The following ROBO2 variants were observed in gnomAD, a reference collection of about 807,000 sequenced individuals.
ROBO2 encodes the protein roundabout guidance receptor 2.
In ROBO2, 53 loss-of-function variants were observed where a neutral mutation model predicts 160.8. The observed-to-expected ratio is 0.33, with a 90% CI of 0.26 to 0.41. The LOEUF is 0.41. ROBO2 is among the 10% of genes least tolerant of loss of function. ROBO2 has a pLI of 1.00. For synonymous variants in ROBO2, 664 were observed against 611.7 expected (o/e 1.09, Z -1.26); for missense variants, 1,577 against 1,722.4 (o/e 0.92, Z 1.49).
intron 2 of ROBO2, among the ~76,000 whole-genome samples, chr3:75,974,827 T>G (rs2065092301): frequency 6.6e-6 from 1 of 151,554 alleles, no homozygotes; most frequent in Non-Finnish European, 1.5e-5. Flanking sequence ...TTTTTAGACT[T>G]AAGTCACATT....
chr3:76,709,737 T>A (rs2093250044), intron 2 of ROBO2, among the ~76,000 whole-genome samples: 1 of 152,194 alleles, frequency 6.6e-6, no homozygotes, highest in Admixed American at 6.5e-5. Context: ...GGGTAATTAG[T>A]TTTCAGATTA....
chr3:77,079,965 G>C (rs1294294486), intron 1 of ROBO2, among the ~76,000 whole-genome samples: 1 of 152,186 alleles, frequency 6.6e-6, no homozygotes. Flanking sequence ...AGAGGACAGA[G>C]GGTAGCTTTT....
chr3:77,262,227 A>G (rs2058823069), intron 2 of ROBO2, among the ~76,000 whole-genome samples: 1 of 152,178 alleles, frequency 6.6e-6, no homozygotes, highest in African/African-American at 2.4e-5. Flanking sequence ...GCCATAGGTT[A>G]TATGTGGTGG....
chr3:77,097,632 T>A (rs180948676), intron 1 of ROBO2, among the ~76,000 whole-genome samples: 38 of 152,276 alleles, frequency 2.5e-4, no homozygotes, highest in Middle Eastern at 3.4e-3. Flanking sequence ...TCTATGTGTG[T>A]CTTCTAGCTG....
intron 2 of ROBO2, among the ~76,000 whole-genome samples, chr3:77,137,355 T>C (rs1480029336): frequency 1.3e-5 from 2 of 152,138 alleles, no homozygotes; most frequent in African/African-American, 2.4e-5. Flanking sequence ...GCCTCCTGAA[T>C]AGCTGGGATT....
intron 2 of ROBO2, among the ~76,000 whole-genome samples, chr3:77,012,667 A>T (rs1163265862): frequency 6.6e-6 from 1 of 152,212 alleles, no homozygotes; most frequent in Non-Finnish European, 1.5e-5. Flanking sequence ...AAATCTTGTA[A>T]ATCAGTGATT....
chr3:77,039,767 A>T (rs1309872610), upstream of ROBO2: 2 of 149,042 alleles, frequency 1.3e-5, no homozygotes, highest in Non-Finnish European at 3.0e-5. Flanking sequence ...GACTCCAGGC[A>T]GCTCTCATTC....
chr3:76,921,391 C>T (rs970441811), intron 2 of ROBO2, among the ~76,000 whole-genome samples: 16 of 152,078 alleles, frequency 1.1e-4, no homozygotes, highest in East Asian at 3.9e-4. Context: ...GCAGACGGAT[C>T]GCTTGAGGTC....
chr3:76,619,952 A>T (rs9829847), intron 2 of ROBO2, among the ~76,000 whole-genome samples: 2,104 of 152,208 alleles, frequency 0.014, 50 homozygotes, highest in African/African-American at 0.049. Context: ...ATAATAATAA[A>T]AAATAATTAT....
chr3:75,930,843 G>T (rs959474983), intron 1 of ROBO2, among the ~76,000 whole-genome samples: 15 of 152,082 alleles, frequency 9.9e-5, no homozygotes, highest in African/African-American at 3.1e-4. Flanking sequence ...GATTTCCAGT[G>T]TCCCCAGCCT....
At chr3:76,491,841 T>C (rs905928980) in intron 2 of ROBO2, among the ~76,000 whole-genome samples, 1 of 152,182 alleles carries the variant, frequency 6.6e-6, no homozygotes, top group African/African-American at 2.4e-5. Context: ...ACGCCTGTAA[T>C]CCCAGCACTT....
intron 5 of ROBO2, among the ~76,000 whole-genome samples, chr3:77,520,987 T>C (rs2090534755): frequency 6.6e-6 from 1 of 151,324 alleles, no homozygotes; most frequent in South Asian, 2.1e-4. Flanking sequence ...CCATTCACAG[T>C]TGGCCTTTAT....
chr3:75,986,810 TA>T (rs2065428101), intron 2 of ROBO2, among the ~76,000 whole-genome samples: 1 of 151,848 alleles, frequency 6.6e-6, no homozygotes, highest in East Asian at 1.9e-4. Context: ...TTTTTATTTT[TA>T]TTTTTTTTTA....
rs2086833009 is a variant in ROBO2 at position 76,597,721 on chromosome 3, T to C, written c.110-500293T>C. Among the ~76,000 whole-genome samples the C allele has an allele frequency of 2.0e-5, 3 of 151,050 alleles. No homozygotes were observed. In the South Asian group the frequency reaches 6.4e-4, roughly 32 times the overall value. The stretch of plus-strand genomic sequence containing the variant: ...CCCTCCCCGCTTAAGCAGGCCCCAG[T>C]GTCTGTTGTTCCCCTCCTTGTGTTC... On this transcript the variant is annotated intron_variant, in intron 2 of 26. Coordinates refer to the ROBO2 transcript ENST00000487694.
At chr3:75,969,188 A>G (rs1416171901) in intron 2 of ROBO2, among the ~76,000 whole-genome samples, 2 of 148,986 alleles carry the variant, frequency 1.3e-5, no homozygotes, top group Non-Finnish European at 3.0e-5. Context: ...AATATGATAT[A>G]TAATATATTA....
At chr3:76,352,011 AAGTT>A (rs374638501) in intron 2 of ROBO2, among the ~76,000 whole-genome samples, 16 of 152,174 alleles carry the variant, frequency 1.1e-4, no homozygotes, top group South Asian at 2.1e-4. Flanking sequence ...AATCAGATAT[AAGTT>A]AGTTCTAACA....
Position 76,697,229 on chromosome 3 carries a change from G to T in ROBO2, c.110-400785G>T, listed in dbSNP as rs1421693804. Among the ~76,000 whole-genome samples, 67 of 152,128 alleles carry T rather than the reference G, an allele frequency of 4.4e-4. 1 individual carries two copies. The highest frequency in any genetic ancestry group is 1.5e-4 in the Non-Finnish European group (10 of 68,028). On this transcript the variant is annotated intron_variant, in intron 2 of 26. Coordinates refer to the ROBO2 transcript ENST00000487694. ...TTAACATTTACTTTCATCGAAATAT[G>T]TGGGCTCCTAAATACTGTTTTTTCT...
chr3:76,603,351 A>T (rs6548435), intron 2 of ROBO2, among the ~76,000 whole-genome samples: 5,427 of 24,608 alleles, frequency 0.22, 433 homozygotes, highest in Non-Finnish European at 0.26. Context: ...AAAAAAAAAA[A>T]ATATATATAT....
chr3:76,397,130 A>G (rs1477752998), intron 2 of ROBO2, among the ~76,000 whole-genome samples: 1 of 152,194 alleles, frequency 6.6e-6, no homozygotes, highest in Non-Finnish European at 1.5e-5. Context: ...ACAGAGATAT[A>G]GATCAATGGA....
Sources: gnomAD v4.1 joint callset for allele counts (sites outside exome capture counted in the v4.1 genomes callset) on GRCh38, gnomAD v4.1.1 for gene constraint, MANE v1.5 for transcripts, NCBI Gene and HGNC (gene_info 2026-07-23, HGNC 2026-07-21) for gene names.